GMNN: variants seen among roughly 807,000 people sequenced by gnomAD.
GMNN encodes geminin.
In GMNN, 14 loss-of-function variants were observed where a neutral mutation model predicts 20.9. That is an observed-to-expected ratio of 0.67 (90% CI 0.44 to 1.05). GMNN has a LOEUF of 1.05. Ranked by LOEUF, GMNN falls within the 50% of genes least tolerant of loss-of-function variation. The pLI is 0.00. For missense variants in GMNN, 227 were observed against 243.8 expected, an observed-to-expected ratio of 0.93 and a Z score of 0.46; for synonymous variants, 81 against 85.8, an observed-to-expected ratio of 0.94 and a Z score of 0.31.
chr6:24,780,749 T>G lies in GMNN; in HGVS notation c.129+9T>G. ...TTGGAAGAGAAAATGAGGTATGCACTATATGGCTAAAATGGGGTACTGGTG... is the reference window on the plus strand; with the variant it reads ...TTGGAAGAGAAAATGAGGTATGCACGATATGGCTAAAATGGGGTACTGGTG... On this transcript the variant is annotated intron_variant, in intron 3 of 6. Transcript: ENST00000230056. 1.4e-6 allele frequency: 2 copies of G among 1,409,914 alleles called. No individual in the cohort carries two copies. Among genetic ancestry groups the G allele is most frequent in the Non-Finnish European group, 2.0e-6 (2 of 993,930 alleles). The allele number at this position is 1,409,914 out of a possible 1,614,324, so 87.3% of individuals were successfully genotyped here.
intron 2 of GMNN, among the ~76,000 whole-genome samples, chr6:24,778,081 A>T (rs1203442822): frequency 1.3e-5 from 2 of 152,184 alleles, no homozygotes; most frequent in African/African-American, 2.4e-5. Context: ...TATACTTCTG[A>T]CTAGATTCAT....
chr6:24,777,556 T>C, intron 2 of GMNN: 1 of 239,764 alleles, frequency 4.2e-6, no homozygotes, highest in Non-Finnish European at 7.9e-6. Flanking sequence ...TTACACTATT[T>C]ATGTTAAATT....
rs1302709441 is a variant in GMNN at position 24,784,491 on chromosome 6, A to G, written c.405A>G (p.Lys135=). The stretch of plus-strand genomic sequence containing the variant: ...AGGACAATGAAATTGCCCGCCTGAA[A>G]AAGGAGAATAAAGAACTGGCAGAAG... ...EQKDNEIARL[K]KENKELAEVA... The change falls in exon 6 of 7, where the codon AAA becomes AAG. Residue 135 remains lysine (K), a synonymous_variant. Transcript: ENST00000230056. The G allele has an allele frequency of 1.3e-6, 2 of 1,588,744 alleles. No individual in the cohort carries two copies. The highest frequency in any genetic ancestry group is 2.2e-5 in the East Asian group (1 of 44,716).
intron 2 of GMNN, among the ~76,000 whole-genome samples, chr6:24,779,601 C>A (rs979481058): frequency 1.3e-5 from 2 of 152,086 alleles, no homozygotes; most frequent in African/African-American, 4.8e-5. Context: ...GAAACTTTAC[C>A]GTGGGAAAGG....
At chr6:24,781,720 G>C in intron 4 of GMNN, 99 bp downstream of exon 4, 2 of 528,270 alleles carry the variant, frequency 3.8e-6, no homozygotes, top group Non-Finnish European at 6.8e-6. Flanking sequence ...TGTAATCTGG[G>C]GATAGTATAA....
At position 24,785,870 on chromosome 6, in the gene GMNN, T is replaced by C; in HGVS notation, c.*71T>C. ...CCTCCACTAGTTCTTTGTAGCAGAG[T>C]ACATAACTACATAATGCCAACTCTG... On this transcript the variant is annotated 3_prime_UTR_variant, in exon 7 of 7. Coordinates refer to ENST00000230056, the MANE Select transcript of GMNN (RefSeq NM_015895.5). The C allele has an allele frequency of 1.2e-6, 1 of 849,886 alleles. No homozygotes were observed. The highest frequency in any genetic ancestry group is 1.9e-6 in the Non-Finnish European group (1 of 535,292). The allele number at this position is 849,886 out of a possible 1,614,324, so 52.6% of individuals were successfully genotyped here. A position where few individuals can be genotyped will look rare whatever the true frequency, so the allele number is the denominator to read the frequency against.
At chr6:24,777,564 AT>A (rs1780105796) in intron 2 of GMNN, 1 of 226,374 alleles carries the variant, frequency 4.4e-6, no homozygotes. Context: ...TTTATGTTAA[AT>A]TTTTTCCTAA....
chr6:24,780,588 C>G, intron 2 of GMNN, 75 bp from the exon 3 acceptor site: 1 of 823,390 alleles, frequency 1.2e-6, no homozygotes, highest in East Asian at 2.5e-5. Context: ...GAGTAACACT[C>G]CATACAGAAA....
At chr6:24,784,313 C>A in intron 5 of GMNN, 131 bp from the exon 6 acceptor site, 1 of 680,734 alleles carries the variant, frequency 1.5e-6, no homozygotes, top group Non-Finnish European at 2.6e-6. Context: ...GACAATTATA[C>A]AAAATGAATC....
chr6:24,774,951 T>A lies in GMNN; in HGVS notation c.-319T>A, dbSNP rs1455558165. ...CCCTCGTCTGCGTCAGTTGGTCACG[T>A]GGTTGTTCGGAGCGGGCGAGCGGAG... On this transcript the variant is annotated 5_prime_UTR_variant, in exon 1 of 7. Coordinates refer to ENST00000230056, the MANE Select transcript of GMNN (RefSeq NM_015895.5). The A allele has an allele frequency of 1.3e-5, 2 of 152,180 alleles. No homozygotes were observed. Among genetic ancestry groups the A allele is most frequent in the African/African-American group, 4.8e-5 (2 of 41,444 alleles). 9.4% of individuals were successfully genotyped at this position (152,180 alleles called of 1,614,324 possible). A position where few individuals can be genotyped will look rare whatever the true frequency, so the allele number is the denominator to read the frequency against.
chr6:24,781,223 T>A (rs569142656), intron 3 of GMNN, among the ~76,000 whole-genome samples: 132 of 150,052 alleles, frequency 8.8e-4, no homozygotes, highest in African/African-American at 2.9e-3. Context: ...AATAAAAAAT[T>A]TTTTAAAAAA....
chr6:24,785,416 T>TA (rs1302362586), intron 6 of GMNN, among the ~76,000 whole-genome samples: 25 of 149,406 alleles, frequency 1.7e-4, no homozygotes, highest in Non-Finnish European at 2.1e-4. Flanking sequence ...CAGTGCTTTT[T>TA]AAAAAAAAAA....
chr6:24,778,594 T>A (rs1780134436), intron 2 of GMNN, among the ~76,000 whole-genome samples: 1 of 151,932 alleles, frequency 6.6e-6, no homozygotes, highest in Non-Finnish European at 1.5e-5. Context: ...GTTTTTTGTT[T>A]GCCTTGCTTT....
chr6:24,779,787 A>T (rs1174676327), intron 2 of GMNN, among the ~76,000 whole-genome samples: 7 of 152,232 alleles, frequency 4.6e-5, no homozygotes. Flanking sequence ...TGAAATATAC[A>T]GGAAGTTGTT....
At chr6:24,776,702 T>C (rs1471225157) in intron 1 of GMNN, among the ~76,000 whole-genome samples, 2 of 152,338 alleles carry the variant, frequency 1.3e-5, no homozygotes, top group East Asian at 3.9e-4. Flanking sequence ...TTCTACCTTT[T>C]CCCTCTTTCT....
intron 3 of GMNN, among the ~76,000 whole-genome samples, chr6:24,781,265 C>A (rs905909802): frequency 2.2e-4 from 34 of 151,958 alleles, no homozygotes; most frequent in African/African-American, 7.7e-4. Flanking sequence ...GCTCTTGACC[C>A]CAGTCTAATC....
In GMNN at chr6:24,784,425, CTTTA is replaced by C. The variant is rs769339689; in HGVS notation, c.358-13_358-10del. 4.3e-6 allele frequency: 5 copies of C among 1,156,644 alleles called. No homozygotes were observed. The highest frequency in any genetic ancestry group is 5.2e-6 in the Non-Finnish European group (4 of 764,982). The allele number at this position is 1,156,644 out of a possible 1,614,324, so 71.6% of individuals were successfully genotyped here. A position where few individuals can be genotyped will look rare whatever the true frequency, so the allele number is the denominator to read the frequency against. On this transcript the variant is annotated splice_polypyrimidine_tract_variant and intron_variant, in intron 5 of 6. Coordinates refer to ENST00000230056, the MANE Select transcript of GMNN (RefSeq NM_015895.5). ...CATAGCAAATCTATGGAATACTGAACTTTATTTATGTAATACAGCTTCATAAAGA... is the reference window on the plus strand; with the variant it reads ...CATAGCAAATCTATGGAATACTGAACTTTATGTAATACAGCTTCATAAAGA...
At chr6:24,780,033 T>TG (rs1780165531) in intron 2 of GMNN, among the ~76,000 whole-genome samples, 1 of 152,198 alleles carries the variant, frequency 6.6e-6, no homozygotes, top group South Asian at 2.1e-4. Context: ...TGTAAGTATT[T>TG]GAGGGATATT....
intron 4 of GMNN, among the ~76,000 whole-genome samples, chr6:24,782,106 G>A (rs1305859736): frequency 6.6e-6 from 1 of 152,052 alleles, no homozygotes; most frequent in African/African-American, 2.4e-5. Flanking sequence ...AAAAGGGTAG[G>A]GGGAAAGGAT....
Sources: gnomAD v4.1 joint callset for allele counts (sites outside exome capture counted in the v4.1 genomes callset) on GRCh38, gnomAD v4.1.1 for gene constraint, MANE v1.5 for transcripts, NCBI Gene and HGNC (gene_info 2026-07-23, HGNC 2026-07-21) for gene names.